The following AGMO variants were observed in gnomAD, a reference collection of about 807,000 sequenced individuals.
The protein encoded by AGMO is glyceryl-ether monooxygenase.
Under a neutral mutation model 60.2 loss-of-function variants are expected in AGMO, and 75 were observed. The ratio of observed to expected loss-of-function variants is 1.25; its 90% CI spans 1.03 to 1.51. The LOEUF is 1.51. Among genes scored for constraint, AGMO ranks in the 40% most tolerant of loss-of-function variants. AGMO has a pLI of 0.00. For missense variants in AGMO, 763 were observed against 525.5 expected (o/e 1.45, Z -4.42); for synonymous variants, 261 against 177.1 (o/e 1.47, Z -3.76).
chr7:15,472,316 T>G (rs898060970), intron 3 of AGMO, among the ~76,000 whole-genome samples: 1 of 151,916 alleles, frequency 6.6e-6, no homozygotes, highest in Admixed American at 6.6e-5. Flanking sequence ...CAAAAATATG[T>G]TCAAAAAGCT....
At chr7:15,539,610 A>G (rs1446033175) in intron 3 of AGMO, among the ~76,000 whole-genome samples, 5 of 152,150 alleles carry the variant, frequency 3.3e-5, no homozygotes, top group Admixed American at 1.3e-4. Flanking sequence ...ATACACATGC[A>G]TGTGTCTTTA....
chr7:15,182,648 C>A, the AGMO span, among the ~76,000 whole-genome samples: 1 of 152,154 alleles, frequency 6.6e-6, no homozygotes, highest in Non-Finnish European at 1.5e-5. Flanking sequence ...AACGCCTGAG[C>A]TCAAGTGACC....
intron 8 of AGMO, among the ~76,000 whole-genome samples, chr7:15,388,155 A>C (rs1015650202): frequency 6.6e-6 from 1 of 152,050 alleles, no homozygotes; most frequent in Non-Finnish European, 1.5e-5. Context: ...AATGAGTTGA[A>C]CCATTAAGAT....
In AGMO at chr7:15,219,187, A is replaced by T. The variant is rs183741783; in HGVS notation, c.1264-17828T>A. 5.2e-3 allele frequency among the ~76,000 whole-genome samples: 794 copies of T among 152,302 alleles called. 5 individuals carry two copies. Among genetic ancestry groups the T allele is most frequent in the South Asian group, 0.028 (135 of 4,826 alleles). ...ATTTATAAAATTACAATAATCACCC[A>T]GGCCATTTCTACTCTTACGGGGTTT... On this transcript the variant is annotated intron_variant, in intron 12 of 12. Transcript: ENST00000342526.
chr7:15,351,621 C>T (rs1324727892), intron 12 of AGMO, among the ~76,000 whole-genome samples: 1 of 152,158 alleles, frequency 6.6e-6, no homozygotes, highest in Non-Finnish European at 1.5e-5. Flanking sequence ...GGTGACAATC[C>T]AGATAGCTGA....
chr7:15,354,794 C>T (rs1011564758), intron 12 of AGMO, among the ~76,000 whole-genome samples: 20 of 151,074 alleles, frequency 1.3e-4, no homozygotes, highest in Non-Finnish European at 8.8e-5. Context: ...TTACGTTTTA[C>T]GCTATTCCCT....
chr7:15,159,876 A>T, the AGMO span, among the ~76,000 whole-genome samples: 4 of 152,162 alleles, frequency 2.6e-5, no homozygotes, highest in East Asian at 7.7e-4. Flanking sequence ...TCTTCTTATG[A>T]TCCCTACACC....
At chr7:15,190,098 TATA>T in the AGMO span, among the ~76,000 whole-genome samples, 18 of 1,194 alleles carry the variant, frequency 0.015, no homozygotes, top group Non-Finnish European at 0.022. Flanking sequence ...TATATATTTA[TATA>T]TATATATATA....
chr7:15,369,001 T>G (rs1370547377), intron 10 of AGMO, among the ~76,000 whole-genome samples: 1 of 152,102 alleles, frequency 6.6e-6, no homozygotes, highest in Non-Finnish European at 1.5e-5. Context: ...TATTCACTAG[T>G]TTTCTTCATC....
intron 2 of AGMO, among the ~76,000 whole-genome samples, chr7:15,545,841 T>C (rs1206637081): frequency 6.6e-6 from 1 of 151,932 alleles, no homozygotes; most frequent in African/African-American, 2.4e-5. Flanking sequence ...ATCAATTTGA[T>C]TGAGTTGACT....
rs576126307 is a variant in AGMO, at chr7:15,412,217, A to G, written c.609+6341T>C. On this transcript the variant is annotated intron_variant, in intron 5 of 12. Coordinates refer to ENST00000342526, the MANE Select transcript of AGMO (RefSeq NM_001004320.2). ...GCAGCTCTCTTGTACTCTGATTTCT[A>G]TTGCCCTTTACTATTTAGGTATCTC... Among the ~76,000 whole-genome samples, 14 of 152,110 alleles carry G rather than the reference A, an allele frequency of 9.2e-5. No homozygotes were observed. The South Asian group carries it at 2.9e-3, about 32-fold the overall frequency.
intron 12 of AGMO, among the ~76,000 whole-genome samples, chr7:15,340,604 C>G (rs191675033): frequency 4.7e-4 from 71 of 152,292 alleles, no homozygotes; most frequent in African/African-American, 1.7e-3. Context: ...ACCACTCAGG[C>G]AATGGCTTCA....
chr7:15,217,349 ATCTC>A (rs556876789), intron 12 of AGMO, among the ~76,000 whole-genome samples: 22 of 143,754 alleles, frequency 1.5e-4, no homozygotes, highest in East Asian at 7.8e-4. Flanking sequence ...CACATACATA[ATCTC>A]TCTCTCTCTC....
chr7:15,196,985 G>A (rs145186070), downstream of AGMO, among the ~76,000 whole-genome samples: 339 of 152,104 alleles, frequency 2.2e-3, 1 homozygote, highest in Middle Eastern at 6.8e-3. Flanking sequence ...TTGTTAGGAA[G>A]AACGGATGGC....
chr7:15,462,109 G>A (rs10234258), intron 3 of AGMO, among the ~76,000 whole-genome samples: 119,811 of 151,908 alleles, frequency 0.79, 48,245 homozygotes, highest in African/African-American at 0.87. Context: ...CATGCATGAT[G>A]CTGTAGGTCC....
At chr7:15,261,600 T>C (rs917051005) in intron 12 of AGMO, among the ~76,000 whole-genome samples, 5 of 151,870 alleles carry the variant, frequency 3.3e-5, no homozygotes, top group Admixed American at 3.3e-4. Flanking sequence ...CCAATCCTAG[T>C]GACACTATCT....
At chr7:15,209,163 G>C (rs572144939) in intron 12 of AGMO, among the ~76,000 whole-genome samples, 1 of 152,074 alleles carries the variant, frequency 6.6e-6, no homozygotes, top group Non-Finnish European at 1.5e-5. Context: ...ATTCCAAAGA[G>C]CAAAATGTAC....
chr7:15,512,911 T>A (rs1583631487), intron 3 of AGMO, among the ~76,000 whole-genome samples: 2 of 152,192 alleles, frequency 1.3e-5, no homozygotes, highest in South Asian at 4.1e-4. Flanking sequence ...CTCTTCTGCT[T>A]TATAATCTGT....
intron 12 of AGMO, among the ~76,000 whole-genome samples, chr7:15,260,351 G>GAGC (rs1783233426): frequency 6.6e-6 from 1 of 151,962 alleles, no homozygotes; most frequent in Non-Finnish European, 1.5e-5. Flanking sequence ...CACCACAAGA[G>GAGC]AGCAGGAGTA....
Sources: gnomAD v4.1 joint callset for allele counts (sites outside exome capture counted in the v4.1 genomes callset) on GRCh38, gnomAD v4.1.1 for gene constraint, MANE v1.5 for transcripts, NCBI Gene and HGNC (gene_info 2026-07-23, HGNC 2026-07-21) for gene names.